Variants in SEPTIN9 observed in about 807,000 individuals in gnomAD.
SEPTIN9 encodes septin-9.
A neutral mutation model predicts 56.6 loss-of-function variants in SEPTIN9; 13 were observed. The observed-to-expected ratio is 0.23, with a 90% CI of 0.15 to 0.37. The LOEUF (loss-of-function observed/expected upper bound fraction) is 0.37. SEPTIN9 is among the 10% of genes least tolerant of loss of function. The pLI, the probability that SEPTIN9 is intolerant of heterozygous loss-of-function variation, is 1.00. For synonymous variants in SEPTIN9, 332 were observed against 334.1 expected (o/e 0.99, Z 0.07); for missense variants, 650 against 823.1 (o/e 0.79, Z 2.57).
chr17:77,440,711 C>T lies in SEPTIN9; in HGVS notation c.721+38008C>T, dbSNP rs200501059. On this transcript the variant is annotated intron_variant, in intron 3 of 11. Coordinates refer to ENST00000427177, the MANE Select transcript of SEPTIN9 (RefSeq NM_001113491.2). ...CATCCGCTGGGCGCCCGCACAGTGC[C>T]GTCTGCACAGGTGCCATCTCCTTTA... 2.3e-3 allele frequency among the ~76,000 whole-genome samples: 353 copies of T among 152,374 alleles called. 8 individuals are homozygous for T. In the South Asian group the frequency reaches 0.056, roughly 24 times the overall value.
intron 4 of SEPTIN9, chr17:77,482,543 TC>T (rs1568108732): frequency 1.4e-6 from 1 of 706,910 alleles, no homozygotes; most frequent in East Asian, 2.7e-5. Flanking sequence ...GAGGGGCCTG[TC>T]CTGCACATCC....
intron 2 of SEPTIN9, chr17:77,373,228 T>A: frequency 9.0e-7 from 1 of 1,113,722 alleles, no homozygotes; most frequent in Non-Finnish European, 1.1e-6. Context: ...GAGCAGCCAG[T>A]GCGAGACAGG....
chr17:77,281,687 G>C, intron 1 of SEPTIN9, 133 bp downstream of exon 1: 1 of 859,248 alleles, frequency 1.2e-6, no homozygotes. Flanking sequence ...ACTGCAGGTC[G>C]AGTTCCTCCC....
At chr17:77,306,578 C>T (rs892235747) in intron 1 of SEPTIN9, among the ~76,000 whole-genome samples, 2 of 152,234 alleles carry the variant, frequency 1.3e-5, no homozygotes, top group Non-Finnish European at 2.9e-5. Context: ...CCTCCTGGGG[C>T]AAAAGGTAAA....
chr17:77,461,288 A>G (rs2038461862), intron 3 of SEPTIN9, among the ~76,000 whole-genome samples: 2 of 152,200 alleles, frequency 1.3e-5, no homozygotes, highest in African/African-American at 4.8e-5. Flanking sequence ...CCTGGACGAC[A>G]GAGTGAGACT....
chr17:77,415,730 G>A (rs1037378541), intron 3 of SEPTIN9, among the ~76,000 whole-genome samples: 1 of 152,180 alleles, frequency 6.6e-6, no homozygotes, highest in South Asian at 2.1e-4. Flanking sequence ...CCAGCCCACC[G>A]GGCTCCTGTC....
rs2038206208 is a variant in SEPTIN9 at position 77,456,423 on chromosome 17, C to T, written c.722-25721C>T. The T allele has an allele frequency of 6.6e-6, 1 of 152,374 alleles. No homozygotes were observed. The highest frequency in any genetic ancestry group is 2.1e-4 in the South Asian group (1 of 4,850). 9.4% of individuals were successfully genotyped at this position (152,374 alleles called of 1,614,324 possible). On this transcript the variant is annotated intron_variant, in intron 3 of 11. Transcript: ENST00000427177. This position sits in a 1 kb window ranked among gnomAD's most constrained non-coding sequence, Gnocchi z 6.0. Reference sequence around the variant, plus strand: ...AAGGTGCCGTGGCTAGGGCAGGCCACACGCTGTGCTAATGGATTGCTGTTA... The same window carrying T: ...AAGGTGCCGTGGCTAGGGCAGGCCATACGCTGTGCTAATGGATTGCTGTTA...
intron 3 of SEPTIN9, among the ~76,000 whole-genome samples, chr17:77,441,907 C>T (rs986408325): frequency 3.9e-5 from 6 of 152,112 alleles, no homozygotes; most frequent in South Asian, 2.1e-4. Flanking sequence ...GTGGGACAGG[C>T]GACACTGCAG....
At chr17:77,377,922 G>A (rs1447087045) in intron 2 of SEPTIN9, among the ~76,000 whole-genome samples, 1 of 152,156 alleles carries the variant, frequency 6.6e-6, no homozygotes, top group East Asian at 1.9e-4. Context: ...ATGGGGAGTG[G>A]GGGCAGGCCT....
In SEPTIN9 at chr17:77,367,634, G is replaced by A. The variant is rs533316937; in HGVS notation, c.77-34425G>A. Among the ~76,000 whole-genome samples, 303 of 152,044 alleles carry A rather than the reference G, an allele frequency of 2.0e-3. No homozygotes were observed. Among genetic ancestry groups the A allele is most frequent in the Admixed American group, 3.9e-3 (59 of 15,264 alleles). On this transcript the variant is annotated intron_variant, in intron 2 of 11. Transcript: ENST00000427177. This position sits in a 1 kb window ranked among gnomAD's most constrained non-coding sequence, Gnocchi z 4.5. ...AGTTCGAGACTACCCTGGCCAACAC[G>A]GTGAAACCCCATCTCTACTAAAAAA...
In SEPTIN9 at chr17:77,361,921, C is replaced by T. The variant is rs146258900; in HGVS notation, c.77-40138C>T. Among the ~76,000 whole-genome samples the T allele has an allele frequency of 8.6e-3, 1,312 of 152,358 alleles. 25 individuals carry two copies. The highest frequency in any genetic ancestry group is 0.03 in the African/African-American group (1,230 of 41,580). ...TGCTGGGATTACAGGCGTGAGCCAC[C>T]GCGCCCGGCCAAGTGGTCAGTTTTC... On this transcript the variant is annotated intron_variant, in intron 2 of 11. Coordinates refer to ENST00000427177, the MANE Select transcript of SEPTIN9 (RefSeq NM_001113491.2).
Position 77,451,519 on chromosome 17 carries a change from C to T in SEPTIN9, c.722-30625C>T, listed in dbSNP as rs1161379230. 3 of 985,830 alleles carry T rather than the reference C, an allele frequency of 3.0e-6. No homozygotes were observed. Among genetic ancestry groups the T allele is most frequent in the Admixed American group, 6.1e-5 (1 of 16,294 alleles). The allele number at this position is 985,830 out of a possible 1,614,324, so 61.1% of individuals were successfully genotyped here. On this transcript the variant is annotated intron_variant, in intron 3 of 11. Transcript: ENST00000427177. The surrounding 1 kb of genome is among the most constrained non-coding windows in gnomAD (Gnocchi z 4.2). Reference sequence around the variant, plus strand: ...GCGCGTCCAGCGCAGCCCGACGTTCCGCTGCTGGGGTGAGTCCTGCTCCTT... The same window carrying T: ...GCGCGTCCAGCGCAGCCCGACGTTCTGCTGCTGGGGTGAGTCCTGCTCCTT...
intron 4 of SEPTIN9, among the ~76,000 whole-genome samples, chr17:77,485,024 A>G (rs1214976192): frequency 2.0e-3 from 18 of 8,904 alleles, no homozygotes; most frequent in African/African-American, 4.7e-3. Context: ...GGTGATTGTG[A>G]TGGTGGTGAA....
intron 3 of SEPTIN9, among the ~76,000 whole-genome samples, chr17:77,431,011 G>C (rs2037111466): frequency 6.6e-6 from 1 of 150,926 alleles, no homozygotes; most frequent in Non-Finnish European, 1.5e-5. Context: ...AAAAGAAGAA[G>C]AACAAGAAGT....
At chr17:77,383,661 G>A (rs558686044) in intron 2 of SEPTIN9, among the ~76,000 whole-genome samples, 1 of 152,358 alleles carries the variant, frequency 6.6e-6, no homozygotes, top group Admixed American at 6.5e-5. Context: ...CAGAATAACA[G>A]TGCTACCTGG....
At chr17:77,432,788 G>A (rs1464754128) in intron 3 of SEPTIN9, among the ~76,000 whole-genome samples, 2 of 152,248 alleles carry the variant, frequency 1.3e-5, no homozygotes, top group African/African-American at 2.4e-5. Flanking sequence ...AAGGTGGAAC[G>A]CTTTTTCTGG....
intron 2 of SEPTIN9, among the ~76,000 whole-genome samples, chr17:77,364,251 A>C (rs2034505583): frequency 6.6e-6 from 1 of 152,212 alleles, no homozygotes; most frequent in Non-Finnish European, 1.5e-5. Context: ...GCAGGCCAAG[A>C]GCGCGAGCCG....
intron 3 of SEPTIN9, among the ~76,000 whole-genome samples, chr17:77,416,632 G>A (rs66886702): frequency 0.37 from 56,910 of 152,070 alleles, 11,216 homozygotes; most frequent in African/African-American, 0.43. Context: ...GAGTGCTTGT[G>A]TGGCTTGGGG....
rs377426290 is a variant in SEPTIN9, at chr17:77,349,283, A to ATT, written c.76+42090_76+42091dup. Among the ~76,000 whole-genome samples, 495 of 151,996 alleles carry ATT rather than the reference A, an allele frequency of 3.3e-3. 5 individuals are homozygous for ATT. Among genetic ancestry groups the ATT allele is most frequent in the African/African-American group, 0.011 (469 of 41,436 alleles). On this transcript the variant is annotated intron_variant, in intron 2 of 11. Transcript: ENST00000427177. ...AGGCATGTGCCATCATACCCAGCTA[A>ATT]TTTTTGTATTTTTAGTAGAGATGGG...
Sources: gnomAD v4.1 joint callset for allele counts (sites outside exome capture counted in the v4.1 genomes callset) on GRCh38, gnomAD v4.1.1 for gene constraint, Gnocchi (gnomAD v3.1) non-coding constraint, MANE v1.5 for transcripts, NCBI Gene and HGNC (gene_info 2026-07-23, HGNC 2026-07-21) for gene names.